GOLGA8B: variants seen among roughly 807,000 people sequenced by gnomAD.
GOLGA8B encodes golgin subfamily A member 8B.
GOLGA8B carries 1 observed loss-of-function variant against 15.6 expected under a neutral mutation model. The ratio of observed to expected loss-of-function variants is 0.06; its 90% CI spans 0.02 to 0.30. The LOEUF (loss-of-function observed/expected upper bound fraction) is 0.30. Ranked by LOEUF, GOLGA8B falls within the 10% of genes least tolerant of loss-of-function variation. GOLGA8B has a pLI of 1.00. For synonymous variants in GOLGA8B, 9 were observed against 80.3 expected, an observed-to-expected ratio of 0.11 and a Z score of 4.75; for missense variants, 17 against 201.3, an observed-to-expected ratio of 0.08 and a Z score of 5.54.
intron 1 of GOLGA8B, among the ~76,000 whole-genome samples, chr15:34,564,915 T>C (rs1018521906): frequency 7.0e-6 from 1 of 143,854 alleles, no homozygotes; most frequent in African/African-American, 2.5e-5. Flanking sequence ...ATGGCACATT[T>C]GTGGTTAAGA....
intron 1 of GOLGA8B, among the ~76,000 whole-genome samples, chr15:34,560,070 C>T (rs1407643167): frequency 1.3e-5 from 2 of 149,894 alleles, no homozygotes; most frequent in Non-Finnish European, 3.0e-5. Flanking sequence ...CCCCTTCTCT[C>T]CTAGGTCTTG....
At chr15:34,581,884 C>A (rs1889245693) in intron 1 of GOLGA8B, among the ~76,000 whole-genome samples, 2 of 152,164 alleles carry the variant, frequency 1.3e-5, no homozygotes, top group African/African-American at 4.8e-5. Context: ...CAGTCCCAGC[C>A]CAGCCAGGGA....
At chr15:34,564,007 G>C (rs914796204) in intron 1 of GOLGA8B, among the ~76,000 whole-genome samples, 10 of 132,218 alleles carry the variant, frequency 7.6e-5, no homozygotes, top group African/African-American at 2.4e-4. Context: ...CTAAGATCTA[G>C]GATGTAGCTC....
chr15:34,578,419 A>C (rs200669087), intron 1 of GOLGA8B, among the ~76,000 whole-genome samples: 17 of 152,142 alleles, frequency 1.1e-4, no homozygotes, highest in African/African-American at 3.6e-4. Flanking sequence ...CAATGGTCAT[A>C]AGTCCTAGTC....
At chr15:34,572,204 C>T (rs1348249404) in intron 1 of GOLGA8B, among the ~76,000 whole-genome samples, 2 of 152,206 alleles carry the variant, frequency 1.3e-5, no homozygotes, top group Non-Finnish European at 2.9e-5. Context: ...CGCTGCCCCA[C>T]ACACTAGCAT....
At chr15:34,543,009 T>C (rs200401041) in intron 7 of GOLGA8B, among the ~76,000 whole-genome samples, 14,001 of 60,576 alleles carry the variant, frequency 0.23, 213 homozygotes, top group African/African-American at 0.31. Context: ...CTCATTCTGA[T>C]CTCCCTCTCC....
intron 1 of GOLGA8B, among the ~76,000 whole-genome samples, chr15:34,559,585 G>GGA (rs201691541): frequency 0.049 from 3,355 of 68,876 alleles, 94 homozygotes; most frequent in East Asian, 0.11. Flanking sequence ...TGAGAATGGG[G>GGA]GAGAGAGAGA....
chr15:34,573,356 G>T (rs1274249205), intron 1 of GOLGA8B, among the ~76,000 whole-genome samples: 1 of 152,020 alleles, frequency 6.6e-6, no homozygotes, highest in East Asian at 1.9e-4. Flanking sequence ...GGCTAACACG[G>T]TGAAATCTCG....
intron 1 of GOLGA8B, among the ~76,000 whole-genome samples, chr15:34,573,412 C>T (rs1566935778): frequency 1.3e-5 from 2 of 151,792 alleles, no homozygotes; most frequent in African/African-American, 2.4e-5. Context: ...TGGCGGGCGC[C>T]TGTAGTCCCA....
At chr15:34,583,210 G>A (rs1016666720) in intron 1 of GOLGA8B, among the ~76,000 whole-genome samples, 1 of 151,806 alleles carries the variant, frequency 6.6e-6, no homozygotes, top group African/African-American at 2.4e-5. Flanking sequence ...TGCCCGCGCC[G>A]AGAGTGGCCC....
chr15:34,564,207 A>C (rs570685128), intron 1 of GOLGA8B, among the ~76,000 whole-genome samples: 105 of 144,786 alleles, frequency 7.3e-4, no homozygotes, highest in African/African-American at 2.5e-3. Context: ...TGTCTGGCCC[A>C]GTATATACAC....
intron 1 of GOLGA8B, among the ~76,000 whole-genome samples, chr15:34,568,942 T>C (rs1417328817): frequency 6.8e-6 from 1 of 147,512 alleles, no homozygotes; most frequent in Admixed American, 6.6e-5. Context: ...CGTGCGCTTG[T>C]GCGCTCTCTC....
intron 1 of GOLGA8B, among the ~76,000 whole-genome samples, chr15:34,560,042 G>A (rs1453849522): frequency 6.7e-6 from 1 of 149,332 alleles, no homozygotes; most frequent in African/African-American, 2.5e-5. Flanking sequence ...CACATCCTGA[G>A]TGGGAGTGGG....
intron 1 of GOLGA8B, among the ~76,000 whole-genome samples, chr15:34,569,011 C>T (rs1321038823): frequency 2.7e-5 from 4 of 149,928 alleles, no homozygotes; most frequent in Non-Finnish European, 4.4e-5. Context: ...CTCCCATGTC[C>T]CAGGAGCCAG....
chr15:34,578,973 C>A (rs1451853352), intron 1 of GOLGA8B, among the ~76,000 whole-genome samples: 1 of 152,170 alleles, frequency 6.6e-6, no homozygotes, highest in Non-Finnish European at 1.5e-5. Flanking sequence ...ACCCTTAAAA[C>A]TCCCAGGACA....
Position 34,546,985 on chromosome 15 carries a change from A to T in GOLGA8B, c.-574-3T>A, listed in dbSNP as rs1471238836. On this transcript the variant is annotated splice_region_variant and splice_polypyrimidine_tract_variant and intron_variant, in intron 4 of 23. Transcript: ENST00000683415. ...CCAGTTGACAACGACAACAGTTTCT[A>T]TATAACAAAAGTGAGAGAAAATACT... The T allele has an allele frequency of 1.9e-5, 2 of 107,584 alleles. 1 individual carries two copies. The highest frequency in any genetic ancestry group is 5.9e-4 in the East Asian group (2 of 3,398). 6.7% of individuals were successfully genotyped at this position (107,584 alleles called of 1,614,324 possible). A position where few individuals can be genotyped will look rare whatever the true frequency, so the allele number is the denominator to read the frequency against.
intron 1 of GOLGA8B, among the ~76,000 whole-genome samples, chr15:34,567,919 T>A (rs950695538): frequency 2.6e-5 from 4 of 151,752 alleles, no homozygotes; most frequent in Non-Finnish European, 4.4e-5. Context: ...CCCTTTTTCA[T>A]CACTTGCAAT....
rs148971897 is a variant in GOLGA8B at position 34,580,725 on chromosome 15, C to T, written c.-1123+2791G>A. ...CTGGGAAAGGAAAGAGCCGGAGAAG[C>T]CTCTCTGTGGGCGCTCAGGCCAACC... On this transcript the variant is annotated intron_variant, in intron 1 of 23. Transcript: ENST00000683415. 3.5e-4 allele frequency among the ~76,000 whole-genome samples: 54 copies of T among 152,262 alleles called. No homozygotes were observed. The East Asian group carries it at 0.01, about 29-fold the overall frequency.
intron 1 of GOLGA8B, among the ~76,000 whole-genome samples, chr15:34,571,578 T>C (rs1045904811): frequency 1.4e-5 from 2 of 145,058 alleles, no homozygotes; most frequent in Non-Finnish European, 3.0e-5. Flanking sequence ...AACAGAGAGG[T>C]CAAAGTGGCT....
Sources: gnomAD v4.1 joint callset for allele counts (sites outside exome capture counted in the v4.1 genomes callset) on GRCh38, gnomAD v4.1.1 for gene constraint, MANE v1.5 for transcripts, NCBI Gene and HGNC (gene_info 2026-07-23, HGNC 2026-07-21) for gene names.